Variants in SNRK observed in about 807,000 individuals in gnomAD.
SNRK encodes the protein SNF-related serine/threonine-protein kinase.
Under a neutral mutation model 48.2 loss-of-function variants are expected in SNRK, and 3 were observed. The observed-to-expected ratio is 0.06, with a 90% confidence interval of 0.03 to 0.16. The LOEUF is 0.16. SNRK is among the 10% of genes least tolerant of loss of function. SNRK has a pLI of 1.00. For missense variants in SNRK, 627 were observed against 976.0 expected, an observed-to-expected ratio of 0.64 and a Z score of 4.76; for synonymous variants, 376 against 366.1, an observed-to-expected ratio of 1.03 and a Z score of -0.31.
chr3:43,310,103 G>A (rs1192053691), intron 3 of SNRK, among the ~76,000 whole-genome samples: 1 of 152,164 alleles, frequency 6.6e-6, no homozygotes, highest in Non-Finnish European at 1.5e-5. Flanking sequence ...CGAACCCACA[G>A]TATCGCTGAG....
intron 1 of SNRK, chr3:43,289,697 C>T (rs2125610192): frequency 6.5e-6 from 1 of 152,812 alleles, no homozygotes; most frequent in Admixed American, 6.5e-5. Context: ...AGGATTCCTG[C>T]TTTGCCCTCC....
rs549710695 is a variant in SNRK, at chr3:43,314,776, A to G, written c.589+10984A>G. On this transcript the variant is annotated intron_variant, in intron 3 of 6. Coordinates refer to ENST00000296088, the MANE Select transcript of SNRK (RefSeq NM_017719.5). ...GGACATAAATGAAGTCAGGCCTCGT[A>G]GTGTGTGCCTATAGCCCCAGCTACT... 2.6e-5 allele frequency among the ~76,000 whole-genome samples: 4 copies of G among 152,268 alleles called. No individual in the cohort carries two copies. The South Asian group carries it at 8.3e-4, about 32-fold the overall frequency.
Position 43,347,414 on chromosome 3 carries a change from G to A in SNRK, c.1155G>A (p.Ala385=), listed in dbSNP as rs766398727. 12 of 1,613,746 alleles carry A rather than the reference G, an allele frequency of 7.4e-6. No homozygotes were observed. The highest frequency in any genetic ancestry group is 2.2e-5 in the East Asian group (1 of 44,876). The change falls in exon 7 of 7, where the codon GCG becomes GCA. Residue 385 remains alanine, a synonymous_variant. Transcript: ENST00000296088. The surrounding 1 kb of genome is among the most constrained non-coding windows in gnomAD (Gnocchi z 5.4). ...TCACGGCCACTCCTTTGTCCCACGC[G>A]ACTGTCCCTCAGTCTCCTGCTCGGG... ...DDLTATPLSH[A]TVPQSPARAA... is the part of the protein sequence containing the mutation.
intron 3 of SNRK, among the ~76,000 whole-genome samples, chr3:43,320,217 G>T (rs1280179454): frequency 6.6e-6 from 1 of 152,092 alleles, no homozygotes; most frequent in Non-Finnish European, 1.5e-5. Context: ...TGGAGGTAAG[G>T]TTATAAATGG....
intron 3 of SNRK, among the ~76,000 whole-genome samples, chr3:43,328,590 A>T (rs1426719874): frequency 1.3e-5 from 2 of 152,116 alleles, no homozygotes; most frequent in Non-Finnish European, 2.9e-5. Flanking sequence ...TTTGTGGAGG[A>T]ATATGGTGGA....
At chr3:43,320,667 T>G (rs539307390) in intron 3 of SNRK, among the ~76,000 whole-genome samples, 2,161 of 133,898 alleles carry the variant, frequency 0.016, 56 homozygotes, top group African/African-American at 0.077. Flanking sequence ...GTAGCTGGGT[T>G]TTTTTTTTCC....
rs1360088099 is a variant in SNRK at position 43,348,454 on chromosome 3, A to C, written c.2195A>C (p.Gln732Pro). 1.9e-6 allele frequency: 3 copies of C among 1,611,054 alleles called. No homozygotes were observed. The African/African-American group carries it at 4.0e-5, about 22-fold the overall frequency. The change falls in exon 7 of 7, where the codon CAG becomes CCG. Residue 732 changes from glutamine to proline, a missense_variant. By Grantham distance (76) the Gln-to-Pro change is moderately conservative. Transcript: ENST00000296088. ...AAGAACCTGAAAAATAACGTGCTGC[A>C]GCTACCTCTGTGCGAAAAGACCATC... ...KSKNLKNNVL[Q>P]LPLCEKTISV...
At chr3:43,316,632 T>C (rs1291071954) in intron 3 of SNRK, among the ~76,000 whole-genome samples, 1 of 152,184 alleles carries the variant, frequency 6.6e-6, no homozygotes. Context: ...TAATTTTTTT[T>C]TTCTTCCCTG....
At chr3:43,290,806 G>A (rs1024712399) in intron 1 of SNRK, among the ~76,000 whole-genome samples, 6 of 152,078 alleles carry the variant, frequency 3.9e-5, no homozygotes, top group African/African-American at 1.2e-4. Flanking sequence ...AAATATATCT[G>A]TATATTTTGA....
chr3:43,322,843 TCAGGAGGCTGAGG>T (rs746149919), intron 3 of SNRK, among the ~76,000 whole-genome samples: 30 of 150,302 alleles, frequency 2.0e-4, no homozygotes, highest in Non-Finnish European at 3.7e-4. Context: ...TCCCAGCTAC[TCAGGAGGCTGAGG>T]CAGGAGAATG....
chr3:43,329,907 T>C (rs929089297), intron 3 of SNRK, among the ~76,000 whole-genome samples: 19 of 152,340 alleles, frequency 1.2e-4, no homozygotes, highest in African/African-American at 4.1e-4. Context: ...ATATTTATAT[T>C]ATTCATTATA....
At chr3:43,326,691 G>A (rs1458566704) in intron 3 of SNRK, among the ~76,000 whole-genome samples, 1 of 152,120 alleles carries the variant, frequency 6.6e-6, no homozygotes, top group Admixed American at 6.5e-5. Context: ...CTCAGAGTAG[G>A]GAGTCTGGGA....
chr3:43,331,388 C>T (rs901286697), intron 3 of SNRK, among the ~76,000 whole-genome samples: 2 of 152,048 alleles, frequency 1.3e-5, no homozygotes, highest in African/African-American at 4.8e-5. Flanking sequence ...TGTCAGAGTT[C>T]GTCTAATGCT....
At chr3:43,342,213 T>G (rs2091243001) in intron 5 of SNRK, among the ~76,000 whole-genome samples, 1 of 152,202 alleles carries the variant, frequency 6.6e-6, no homozygotes, top group Non-Finnish European at 1.5e-5. Context: ...TTCAGGTGAC[T>G]CCAGTTTGCC....
chr3:43,328,906 C>T (rs962274905), intron 3 of SNRK, among the ~76,000 whole-genome samples: 6 of 152,174 alleles, frequency 3.9e-5, no homozygotes, highest in Non-Finnish European at 7.4e-5. Flanking sequence ...CAGTGCCTGC[C>T]ACAGATGAAG....
chr3:43,343,250 A>G, intron 5 of SNRK, 94 bp from the exon 6 acceptor site: 1 of 1,420,654 alleles, frequency 7.0e-7, no homozygotes, highest in Non-Finnish European at 9.3e-7. Flanking sequence ...CAGCCATTGA[A>G]TTTAACTTGC....
At chr3:43,339,818 AATATATATATATATATATAT>A (rs71083066) in intron 4 of SNRK, among the ~76,000 whole-genome samples, 6,699 of 66,562 alleles carry the variant, frequency 0.1, 592 homozygotes, top group Non-Finnish European at 0.16. Context: ...CCATTTCCAA[AATATATATATATATATATAT>A]ATATATATAT....
chr3:43,336,457 G>C (rs1183276242), intron 4 of SNRK, among the ~76,000 whole-genome samples: 1 of 151,966 alleles, frequency 6.6e-6, no homozygotes, highest in Non-Finnish European at 1.5e-5. Context: ...TCAGTCTCCT[G>C]AGTAGCTAGG....
At position 43,340,299 on chromosome 3, in the gene SNRK, G is replaced by A. The variant is rs200069854; in HGVS notation, c.744G>A (p.Arg248=). The part of the protein sequence containing the change: ...VSKECKDLIT[R]MLQRDPKRRA... ...CCTTCCTTTCCAGCCTAATCACACG[G>A]ATGCTACAGAGAGATCCCAAGAGAA... Residue 248 remains arginine, a synonymous_variant, in exon 5 of 7, where the codon CGG becomes CGA. Transcript: ENST00000296088. 1.2e-6 allele frequency: 2 copies of A among 1,614,028 alleles called. No homozygotes were observed. Among genetic ancestry groups the A allele is most frequent in the African/African-American group, 2.7e-5 (2 of 75,020 alleles).
Sources: gnomAD v4.1 joint callset for allele counts (sites outside exome capture counted in the v4.1 genomes callset) on GRCh38, gnomAD v4.1.1 for gene constraint, Gnocchi (gnomAD v3.1) non-coding constraint, MANE v1.5 for transcripts, NCBI Gene and HGNC (gene_info 2026-07-23, HGNC 2026-07-21) for gene names.